Variants in ZMIZ1 observed in about 807,000 individuals in gnomAD.
The protein encoded by ZMIZ1 is zinc finger MIZ domain-containing protein 1.
Under a neutral mutation model 113.9 loss-of-function variants are expected in ZMIZ1, and 17 were observed. That is an observed-to-expected ratio of 0.15 (90% CI 0.10 to 0.22). The LOEUF is 0.22. Ranked by LOEUF, ZMIZ1 falls within the 10% of genes least tolerant of loss-of-function variation. The probability of loss-of-function intolerance (pLI) is 1.00; values close to 1 mark genes in which losing one functional copy is unlikely to be tolerated. For missense variants in ZMIZ1, 1,059 were observed against 1,477.8 expected (o/e 0.72, Z 4.65); for synonymous variants, 607 against 603.1 (o/e 1.01, Z -0.09).
At chr10:79,236,941 T>A (rs1450999800) in intron 7 of ZMIZ1, among the ~76,000 whole-genome samples, 1 of 152,106 alleles carries the variant, frequency 6.6e-6, no homozygotes, top group African/African-American at 2.4e-5. Context: ...ACAAGGTAAA[T>A]AATTGAAATA....
At chr10:79,177,685 A>G (rs556827411) in intron 4 of ZMIZ1, among the ~76,000 whole-genome samples, 1 of 152,240 alleles carries the variant, frequency 6.6e-6, no homozygotes, top group African/African-American at 2.4e-5. Flanking sequence ...CTAACCCAAC[A>G]TGAGCTTGAC....
At chr10:79,235,378 A>G (rs1283871261) in intron 7 of ZMIZ1, among the ~76,000 whole-genome samples, 1 of 152,142 alleles carries the variant, frequency 6.6e-6, no homozygotes, top group Non-Finnish European at 1.5e-5. Flanking sequence ...AAACCGCGCA[A>G]TTGCTGCCCA....
intron 4 of ZMIZ1, among the ~76,000 whole-genome samples, chr10:79,163,593 G>A (rs909232884): frequency 3.3e-5 from 5 of 152,162 alleles, no homozygotes; most frequent in Admixed American, 6.5e-5. Context: ...CCAGAGGCTC[G>A]GCGTGGTTAG....
chr10:79,300,532 G>A (rs901601911), intron 16 of ZMIZ1, among the ~76,000 whole-genome samples, 200 bp from the exon 17 acceptor site: 62 of 152,248 alleles, frequency 4.1e-4, no homozygotes, highest in African/African-American at 1.4e-3. Flanking sequence ...CGGGGGTCTT[G>A]GGGGCAGTTT....
At chr10:79,243,464 C>CGGCGGT (rs1472033783) in intron 7 of ZMIZ1, among the ~76,000 whole-genome samples, 1 of 148,622 alleles carries the variant, frequency 6.7e-6, no homozygotes, top group East Asian at 1.9e-4. Flanking sequence ...CGGACGGCGG[C>CGGCGGT]GGCGGTGGCG....
At chr10:79,105,511 G>A (rs1024803666) in intron 1 of ZMIZ1, among the ~76,000 whole-genome samples, 1 of 152,186 alleles carries the variant, frequency 6.6e-6, no homozygotes, top group African/African-American at 2.4e-5. Flanking sequence ...AGGAGTTCAT[G>A]TTAATCAGGA....
At chr10:79,081,671 C>G (rs55801920) in intron 1 of ZMIZ1, among the ~76,000 whole-genome samples, 19,935 of 152,230 alleles carry the variant, frequency 0.13, 1,439 homozygotes, top group East Asian at 0.2. Flanking sequence ...CCTGGCCCTG[C>G]CCCCTGCCAC....
intron 1 of ZMIZ1, among the ~76,000 whole-genome samples, chr10:79,076,238 C>T (rs1842470692): frequency 6.6e-6 from 1 of 152,306 alleles, no homozygotes; most frequent in Non-Finnish European, 1.5e-5. Flanking sequence ...CCATCTCCGC[C>T]AGTCCATTAG....
intron 4 of ZMIZ1, among the ~76,000 whole-genome samples, chr10:79,198,116 G>A (rs529793441): frequency 2.2e-4 from 34 of 152,142 alleles, no homozygotes; most frequent in East Asian, 2.1e-3. Context: ...AAAACTAGCC[G>A]GACGTGGTGG....
rs541512663 is a variant in ZMIZ1 at position 79,194,062 on chromosome 10, G to A, written c.-49-7522G>A. On this transcript the variant is annotated intron_variant, in intron 4 of 24. Coordinates refer to ENST00000334512, the MANE Select transcript of ZMIZ1 (RefSeq NM_020338.4). ...TTCCCTTCTGGCTGTGTCTTGGAAC[G>A]CAGCCTCTGCTCGCGGGCTGTAGGC... Among the ~76,000 whole-genome samples, 13 of 152,342 alleles carry A rather than the reference G, an allele frequency of 8.5e-5. No homozygotes were observed. The South Asian group carries it at 1.7e-3, about 19-fold the overall frequency.
chr10:79,114,336 G>A (rs1454083816), intron 1 of ZMIZ1, among the ~76,000 whole-genome samples: 21 of 152,230 alleles, frequency 1.4e-4, no homozygotes, highest in Admixed American at 1.4e-3. Context: ...CGGTTTAGCG[G>A]GCTAAATGAT....
intron 2 of ZMIZ1, among the ~76,000 whole-genome samples, chr10:79,129,521 C>A (rs538581194): frequency 6.6e-6 from 1 of 152,284 alleles, no homozygotes; most frequent in East Asian, 1.9e-4. Context: ...CCTGCCCATC[C>A]CCCAGGGCCT....
intron 6 of ZMIZ1, among the ~76,000 whole-genome samples, chr10:79,212,332 A>AT (rs574580639): frequency 6.0e-5 from 9 of 151,142 alleles, no homozygotes; most frequent in Admixed American, 2.6e-4. Flanking sequence ...CAATTTTTAA[A>AT]TTTTTTTTTA....
At chr10:79,217,070 G>A (rs1316794058) in intron 7 of ZMIZ1, among the ~76,000 whole-genome samples, 1 of 152,190 alleles carries the variant, frequency 6.6e-6, no homozygotes, top group Non-Finnish European at 1.5e-5. Context: ...TGATCTTTCT[G>A]GGAAGGCAGG....
At chr10:79,146,446 T>C (rs1416685404) in intron 3 of ZMIZ1, among the ~76,000 whole-genome samples, 1 of 152,176 alleles carries the variant, frequency 6.6e-6, no homozygotes, top group Non-Finnish European at 1.5e-5. Context: ...ACCCCCTAGA[T>C]GCCCCAAAGG....
At chr10:79,087,242 T>G (rs1842846899) in intron 1 of ZMIZ1, among the ~76,000 whole-genome samples, 1 of 152,226 alleles carries the variant, frequency 6.6e-6, no homozygotes, top group Admixed American at 6.5e-5. Flanking sequence ...TATTAGATGA[T>G]TTTTTGGCAG....
At chr10:79,272,949 GCCC>G (rs1197737594) in intron 7 of ZMIZ1, among the ~76,000 whole-genome samples, 2 of 152,234 alleles carry the variant, frequency 1.3e-5, no homozygotes, top group Non-Finnish European at 2.9e-5. Context: ...CTCGGCACCA[GCCC>G]CTGGACAGGC....
At chr10:79,198,123 G>A (rs1412232862) in intron 4 of ZMIZ1, among the ~76,000 whole-genome samples, 3 of 152,112 alleles carry the variant, frequency 2.0e-5, no homozygotes, top group Admixed American at 2.0e-4. Context: ...GCCGGACGTG[G>A]TGGTGGGCGC....
At chr10:79,104,950 G>T (rs965313352) in intron 1 of ZMIZ1, among the ~76,000 whole-genome samples, 1 of 140,090 alleles carries the variant, frequency 7.1e-6, no homozygotes, top group Non-Finnish European at 1.5e-5. Flanking sequence ...GTTGTTGTGG[G>T]GTGTGTGTGT....
Sources: gnomAD v4.1 joint callset for allele counts (sites outside exome capture counted in the v4.1 genomes callset) on GRCh38, gnomAD v4.1.1 for gene constraint, MANE v1.5 for transcripts, NCBI Gene and HGNC (gene_info 2026-07-23, HGNC 2026-07-21) for gene names.